Variants in KALRN observed in about 807,000 individuals in gnomAD.
KALRN encodes the protein kalirin.
A neutral mutation model predicts 353.7 loss-of-function variants in KALRN; 70 were observed. The ratio of observed to expected loss-of-function variants is 0.20; its 90% CI spans 0.16 to 0.24. The LOEUF is 0.24. Among genes scored for constraint, KALRN ranks in the 10% least tolerant of loss-of-function variants. The pLI is 1.00. For synonymous variants in KALRN, 1,391 were observed against 1,434.8 expected, an observed-to-expected ratio of 0.97 and a Z score of 0.69; for missense variants, 2,791 against 3,756.7, an observed-to-expected ratio of 0.74 and a Z score of 6.72.
chr3:124,369,464 AT>A (rs1384245915), intron 10 of KALRN, among the ~76,000 whole-genome samples: 3 of 152,094 alleles, frequency 2.0e-5, no homozygotes, highest in African/African-American at 4.8e-5. Context: ...TAAATTTCTT[AT>A]TTTTTAATCA....
chr3:124,094,857 A>T, intron 1 of KALRN: 1 of 1,614,106 alleles, frequency 6.2e-7, no homozygotes, highest in Non-Finnish European at 8.5e-7. Context: ...CGCTTCTGGG[A>T]CCAGTGGTAT....
At chr3:124,336,237 C>T (rs2081123380) in intron 9 of KALRN, among the ~76,000 whole-genome samples, 1 of 152,152 alleles carries the variant, frequency 6.6e-6, no homozygotes, top group South Asian at 2.1e-4. Flanking sequence ...GATGTGCTGG[C>T]TGCAGTTCTG....
intron 43 of KALRN, among the ~76,000 whole-genome samples, 193 bp downstream of exon 43, chr3:124,659,650 T>G (rs1247618689): frequency 6.6e-6 from 1 of 152,152 alleles, no homozygotes; most frequent in Non-Finnish European, 1.5e-5. Flanking sequence ...TGCTCCCAAA[T>G]AAACTGCATG....
At chr3:124,701,724 T>G (rs116154290) in intron 56 of KALRN, among the ~76,000 whole-genome samples, 1 of 152,336 alleles carries the variant, frequency 6.6e-6, no homozygotes, top group Non-Finnish European at 1.5e-5. Context: ...GTCTTCAAAG[T>G]GTTCTTTTAT....
At chr3:124,266,975 GTC>G (rs1269643212) in intron 4 of KALRN, among the ~76,000 whole-genome samples, 3 of 152,168 alleles carry the variant, frequency 2.0e-5, no homozygotes. Flanking sequence ...TGGCCTGCAT[GTC>G]CCATCTCTCT....
intron 1 of KALRN, among the ~76,000 whole-genome samples, chr3:124,097,962 C>CT (rs1055151073): frequency 6.6e-5 from 10 of 152,130 alleles, no homozygotes; most frequent in African/African-American, 2.4e-4. Flanking sequence ...TGGGGACTGT[C>CT]TATCAAAAGA....
chr3:124,152,197 C>G, intron 1 of KALRN: 2 of 1,577,332 alleles, frequency 1.3e-6, no homozygotes, highest in Non-Finnish European at 1.7e-6. Context: ...CAAAGCAATT[C>G]GCTTCTTATT....
chr3:124,627,063 C>A (rs589663), intron 34 of KALRN, among the ~76,000 whole-genome samples: 53,423 of 152,130 alleles, frequency 0.35, 10,860 homozygotes, highest in African/African-American at 0.56. Context: ...AAAATAAGTT[C>A]TCTAGCAGCT....
chr3:124,034,395 G>A (rs1205167588), intron 1 of KALRN, among the ~76,000 whole-genome samples: 1 of 152,178 alleles, frequency 6.6e-6, no homozygotes, highest in African/African-American at 2.4e-5. Context: ...AGACCCAGCT[G>A]GGAGGGCGGT....
rs1404546350 is a variant in KALRN at position 124,153,273 on chromosome 3, C to T, written c.74-74717C>T. Among the ~76,000 whole-genome samples the T allele has an allele frequency of 3.8e-3, 408 of 106,226 alleles. 2 individuals are homozygous for T. The highest frequency in any genetic ancestry group is 0.014 in the African/African-American group (384 of 27,944). 69.7% of individuals were successfully genotyped at this position (106,226 alleles called of 152,430 possible). On this transcript the variant is annotated intron_variant, in intron 1 of 59. Coordinates refer to ENST00000682506, the MANE Select transcript of KALRN (RefSeq NM_001388419.1). ...CTAATGCTATCCCTCCCCCCTCCCC[C>T]CACCCCACAACAGTCCCCAGAGTGT...
chr3:124,113,145 T>C (rs1270507089), intron 1 of KALRN, among the ~76,000 whole-genome samples: 1 of 152,210 alleles, frequency 6.6e-6, no homozygotes, highest in Non-Finnish European at 1.5e-5. Context: ...AAAAACAGCC[T>C]GGTTTAGCTC....
chr3:124,632,621 T>C lies in KALRN; in HGVS notation c.5384T>C (p.Val1795Ala), dbSNP rs1326487416. ...GGAAACATCAAAAAGCAGAAGAAAG[T>C]TCGCGATGGTCGGAAGAGCTTTGAC... The part of the protein sequence containing the change: ...ADGNIKKQKK[V>A]RDGRKSFDLG... Residue 1795 changes from valine to alanine, a missense_variant, in exon 35 of 60, where the codon GTT becomes GCT. Physicochemically the swap from Val to Ala is moderately conservative, Grantham distance 64. Around this residue, in one of 11 missense-constraint regions of KALRN, gnomAD observed 1,065 missense variants for 1,156.4 expected, o/e 0.92. Coordinates refer to ENST00000682506, the MANE Select transcript of KALRN (RefSeq NM_001388419.1). 13 of 1,613,984 alleles carry C rather than the reference T, an allele frequency of 8.1e-6. No individual in the cohort carries two copies. Among genetic ancestry groups the C allele is most frequent in the Non-Finnish European group, 1.0e-5 (12 of 1,180,038 alleles).
At chr3:124,186,459 G>A (rs1388981838) in intron 1 of KALRN, among the ~76,000 whole-genome samples, 2 of 152,150 alleles carry the variant, frequency 1.3e-5, no homozygotes, top group Non-Finnish European at 2.9e-5. Context: ...ATGATTAGAA[G>A]CAATGCTTAG....
chr3:124,034,086 G>C (rs1362067952), intron 1 of KALRN, among the ~76,000 whole-genome samples: 1 of 151,940 alleles, frequency 6.6e-6, no homozygotes, highest in Non-Finnish European at 1.5e-5. Flanking sequence ...GGTCCCCTCG[G>C]ACCGCCTTCT....
rs925340456 is a variant in KALRN, at chr3:124,724,294, C to A, written c.*4824C>A. 3.3e-5 allele frequency: 5 copies of A among 152,172 alleles called. No individual in the cohort carries two copies. Among genetic ancestry groups the A allele is most frequent in the African/African-American group, 1.2e-4 (5 of 41,438 alleles). The allele number at this position is 152,172 out of a possible 1,614,324, so 9.4% of individuals were successfully genotyped here. A position where few individuals can be genotyped will look rare whatever the true frequency, so the allele number is the denominator to read the frequency against. Reference sequence around the variant, plus strand: ...TCTTTGTAGTAGGGCAAAGTTCAAACTCACCATGTCCTTATTCAGTATGGT... The same window carrying A: ...TCTTTGTAGTAGGGCAAAGTTCAAAATCACCATGTCCTTATTCAGTATGGT... On this transcript the variant is annotated 3_prime_UTR_variant, in exon 60 of 60. Transcript: ENST00000682506.
In KALRN at chr3:124,488,319, G is replaced by A; in HGVS notation, c.4396+4G>A. The A allele has an allele frequency of 6.3e-7, 1 of 1,586,668 alleles. No homozygotes were observed. On this transcript the variant is annotated splice_donor_region_variant and intron_variant, in intron 29 of 59. Transcript: ENST00000682506. Reference sequence around the variant, plus strand: ...ATGCATGTCAGCATGCTGGAAGGTAGCTGTCCTCCCAGCACTGGGGAAGCC... The same window carrying A: ...ATGCATGTCAGCATGCTGGAAGGTAACTGTCCTCCCAGCACTGGGGAAGCC...
At chr3:124,088,639 A>G (rs909450607) in intron 1 of KALRN, among the ~76,000 whole-genome samples, 23 of 152,166 alleles carry the variant, frequency 1.5e-4, no homozygotes, top group African/African-American at 5.3e-4. Context: ...GAAAAGTTCA[A>G]GTTTTATGGG....
chr3:124,715,992 A>T (rs914153593), intron 58 of KALRN, among the ~76,000 whole-genome samples: 1 of 152,038 alleles, frequency 6.6e-6, no homozygotes, highest in African/African-American at 2.4e-5. Context: ...TTAATTCATT[A>T]TATTATATTA....
chr3:124,608,643 A>G (rs891384134), intron 34 of KALRN, among the ~76,000 whole-genome samples: 1 of 152,164 alleles, frequency 6.6e-6, no homozygotes, highest in Non-Finnish European at 1.5e-5. Flanking sequence ...GGCCTGCCCA[A>G]GAGTTGGGAA....
Sources: gnomAD v4.1 joint callset for allele counts (sites outside exome capture counted in the v4.1 genomes callset) on GRCh38, gnomAD v4.1.1 for gene constraint, gnomAD v4.1.1 regional missense constraint, MANE v1.5 for transcripts, NCBI Gene and HGNC (gene_info 2026-07-23, HGNC 2026-07-21) for gene names.